Variants in POLD1 observed in about 807,000 individuals in gnomAD.
POLD1 encodes DNA polymerase delta 1, catalytic subunit.
Under a neutral mutation model 129.7 loss-of-function variants are expected in POLD1, and 79 were observed. That is an observed-to-expected ratio of 0.61 (90% confidence interval 0.51 to 0.73). POLD1 has a LOEUF of 0.73. Ranked by LOEUF, POLD1 falls within the 30% of genes least tolerant of loss-of-function variation. POLD1 has a pLI of 0.00. For synonymous variants in POLD1, 714 were observed against 683.3 expected (o/e 1.04, Z -0.70); for missense variants, 1,338 against 1,595.8 (o/e 0.84, Z 2.75).
intron 14 of POLD1, chr19:50,408,573 G>T: frequency 1.5e-6 from 1 of 688,438 alleles, no homozygotes; most frequent in South Asian, 2.1e-5. Flanking sequence ...TGTAGAGATA[G>T]GGTTTTGCCA....
intron 17 of POLD1, among the ~76,000 whole-genome samples, chr19:50,410,371 G>A (rs779883455): frequency 4.6e-5 from 7 of 152,006 alleles, no homozygotes; most frequent in African/African-American, 1.2e-4. Context: ...CTCTAGCCAC[G>A]GGGAGCTCCC....
At chr19:50,413,624 C>G (rs2039168726) in intron 18 of POLD1, 103 bp downstream of exon 18, 16 of 1,523,794 alleles carry the variant, frequency 1.1e-5, no homozygotes, top group Non-Finnish European at 1.4e-5. Flanking sequence ...TCACACCCTG[C>G]CCACTCTCCT....
rs1215064760 is a variant in POLD1 at position 50,408,526 on chromosome 19, G to A, written c.1776-259G>A. On this transcript the variant is annotated intron_variant, in intron 14 of 26. Transcript: ENST00000440232. Reference sequence around the variant, plus strand: ...CCCCTGAGTAGCTGGGACCACAGGCGTGCACCACCACACCTGGCTAATTTT... The same window carrying A: ...CCCCTGAGTAGCTGGGACCACAGGCATGCACCACCACACCTGGCTAATTTT... Among the ~76,000 whole-genome samples the A allele has an allele frequency of 2.0e-5, 3 of 151,768 alleles. No individual in the cohort carries two copies. The East Asian group carries it at 5.8e-4, about 29-fold the overall frequency.
At position 50,398,570 on chromosome 19, in the gene POLD1, CAAA is replaced by C. The variant is rs35689550; in HGVS notation, c.-1-261_-1-259del. 1.0e-3 allele frequency among the ~76,000 whole-genome samples: 64 copies of C among 64,236 alleles called. No homozygotes were observed. The South Asian group carries it at 0.014, about 14-fold the overall frequency. 42.1% of individuals were successfully genotyped at this position (64,236 alleles called of 152,430 possible). ...GGGTGACAAGAGCACAATTCCATCTCAAAAAAAAAAAAAAAAAAAAAAGCAAGA... is the reference window on the plus strand; with the variant it reads ...GGGTGACAAGAGCACAATTCCATCTCAAAAAAAAAAAAAAAAAAAGCAAGA... On this transcript the variant is annotated intron_variant, in intron 1 of 26. Coordinates refer to ENST00000440232, the MANE Select transcript of POLD1 (RefSeq NM_002691.4).
rs2122463946 is a variant in POLD1, at chr19:50,414,837, T to C, written c.2411T>C (p.Ile804Thr). Reference protein sequence around the residue: ...FEKVYFPYLLISKKRYAGLLF... With the variant: ...FEKVYFPYLLTSKKRYAGLLF... ...CAGGTCTACTTCCCATACCTGCTTA[T>C]CAGCAAGAAGCGCTACGCGGGCCTG... The change falls in exon 20 of 27, where the codon ATC becomes ACC. Residue 804 changes from isoleucine (I) to threonine (T), a missense_variant. Ile to Thr is a moderately conservative substitution (Grantham distance 89). Coordinates refer to ENST00000440232, the MANE Select transcript of POLD1 (RefSeq NM_002691.4). 1.3e-6 allele frequency: 2 copies of C among 1,587,064 alleles called. No individual in the cohort carries two copies. Among genetic ancestry groups the C allele is most frequent in the South Asian group, 1.1e-5 (1 of 88,178 alleles).
rs760635621 is a variant in POLD1 at position 50,406,942 on chromosome 19, C to T, written c.1495-41C>T. On this transcript the variant is annotated intron_variant, in intron 12 of 26. Coordinates refer to ENST00000440232, the MANE Select transcript of POLD1 (RefSeq NM_002691.4). This position sits in a 1 kb window ranked among gnomAD's most constrained non-coding sequence, Gnocchi z 5.5. ...TCCTTCTCCTGCTCCACCTCCCACCCCCAACCCCTGGTCCCTGACCCCATC... is the reference window on the plus strand; with the variant it reads ...TCCTTCTCCTGCTCCACCTCCCACCTCCAACCCCTGGTCCCTGACCCCATC... 6.7e-7 allele frequency: 1 copy of T among 1,487,494 alleles called. No individual in the cohort carries two copies. Among genetic ancestry groups the T allele is most frequent in the Non-Finnish European group, 9.1e-7 (1 of 1,097,364 alleles). 92.1% of individuals were successfully genotyped at this position (1,487,494 alleles called of 1,614,324 possible). A position where few individuals can be genotyped will look rare whatever the true frequency, so the allele number is the denominator to read the frequency against.
At chr19:50,395,212 A>G (rs2038308679) in intron 1 of POLD1, 1 of 139,582 alleles carries the variant, frequency 7.2e-6, no homozygotes, top group Non-Finnish European at 1.5e-5. Flanking sequence ...GAAAGAATAA[A>G]TAGTGTAGGC....
At position 50,403,074 on chromosome 19, in the gene POLD1, G is replaced by A. The variant is rs371120096; in HGVS notation, c.992G>A (p.Arg331Gln). The change falls in exon 9 of 27, where the codon CGG (arginine) becomes CAG (glutamine). Residue 331 changes from arginine (R) to glutamine (Q), a missense_variant. Transcript: ENST00000440232. Reference protein sequence around the residue: ...GRKGIFPEPERDPVIQICSLG... With the variant: ...GRKGIFPEPEQDPVIQICSLG... The stretch of plus-strand genomic sequence containing the variant: ...GCAGGCATCTTCCCTGAGCCTGAGC[G>A]GGACCCTGTCATCCAGATCTGCTCG... 1.3e-5 allele frequency: 21 copies of A among 1,562,324 alleles called. No homozygotes were observed. Among genetic ancestry groups the A allele is most frequent in the South Asian group, 8.2e-5 (7 of 84,986 alleles).
chr19:50,417,644 C>T (rs1242886645), intron 26 of POLD1, among the ~76,000 whole-genome samples, 198 bp from the exon 27 acceptor site: 1 of 151,786 alleles, frequency 6.6e-6, no homozygotes, highest in Non-Finnish European at 1.5e-5. Flanking sequence ...TGGCCCTGCA[C>T]CTCGCCAGGC....
intron 1 of POLD1, among the ~76,000 whole-genome samples, chr19:50,386,874 T>C (rs2037988656): frequency 6.6e-6 from 1 of 152,072 alleles, no homozygotes; most frequent in African/African-American, 2.4e-5. Flanking sequence ...CTGGGCAACA[T>C]AGCAAGACCC....
At chr19:50,417,725 G>C (rs1001419254) in intron 26 of POLD1, 117 bp from the exon 27 acceptor site, 1 of 640,554 alleles carries the variant, frequency 1.6e-6, no homozygotes, top group African/African-American at 1.8e-5. Context: ...TGCGGGAGGG[G>C]GCGGGTGGGC....
intron 20 of POLD1, 125 bp downstream of exon 20, chr19:50,415,115 C>CG: frequency 5.5e-6 from 5 of 916,218 alleles, no homozygotes; most frequent in Admixed American, 6.3e-5. Flanking sequence ...CCAGCCCCCT[C>CG]CTCCTCAGAT....
intron 17 of POLD1, among the ~76,000 whole-genome samples, chr19:50,411,453 C>T (rs2445831): frequency 0.033 from 5,024 of 152,184 alleles, 277 homozygotes; most frequent in African/African-American, 0.11. Context: ...CTCTCTCAGC[C>T]GCTTCCCTCT....
chr19:50,395,446 C>A lies in POLD1; in HGVS notation c.-1-3405C>A, dbSNP rs558529416. 2.6e-5 allele frequency among the ~76,000 whole-genome samples: 4 copies of A among 152,088 alleles called. No homozygotes were observed. In the South Asian group the frequency reaches 8.3e-4, roughly 32 times the overall value. On this transcript the variant is annotated intron_variant, in intron 1 of 26. Transcript: ENST00000440232. ...AAAATACAAAAAAATTAGGCGGGCG[C>A]AGTGGCGGACGCCTGTAGTCCCAGC... is the stretch of plus-strand genomic sequence containing the variant.
chr19:50,406,930 C>G lies in POLD1; in HGVS notation c.1495-53C>G. 29 of 1,177,766 alleles carry G rather than the reference C, an allele frequency of 2.5e-5. No homozygotes were observed. Among genetic ancestry groups the G allele is most frequent in the Non-Finnish European group, 3.3e-5 (28 of 835,978 alleles). The allele number at this position is 1,177,766 out of a possible 1,614,324, so 73.0% of individuals were successfully genotyped here. On this transcript the variant is annotated intron_variant, in intron 12 of 26. Transcript: ENST00000440232. This position sits in a 1 kb window ranked among gnomAD's most constrained non-coding sequence, Gnocchi z 5.5. ...CTGACCCCCACTTCCTTCTCCTGCT[C>G]CACCTCCCACCCCCAACCCCTGGTC...
intron 17 of POLD1, among the ~76,000 whole-genome samples, chr19:50,412,312 C>G (rs965777145): frequency 7.2e-5 from 11 of 152,112 alleles, no homozygotes; most frequent in African/African-American, 2.4e-4. Flanking sequence ...GCCACCATGC[C>G]TGGCTAATTT....
At position 50,398,970 on chromosome 19, in the gene POLD1, T is replaced by C; in HGVS notation, c.119T>C (p.Leu40Pro). 1 of 1,578,102 alleles carries C rather than the reference T, an allele frequency of 6.3e-7. No homozygotes were observed. Among genetic ancestry groups the C allele is most frequent in the Non-Finnish European group, 8.6e-7 (1 of 1,162,156 alleles). Reference protein sequence around the residue: ...RPSQFEEDLALMEEMEAEHRL... With the variant: ...RPSQFEEDLAPMEEMEAEHRL... ...TCCCAATTCGAGGAGGACCTGGCAC[T>C]GATGGAGGAGATGGAGGCAGAACAC... The change falls in exon 2 of 27, where the codon CTG becomes CCG. Residue 40 changes from leucine (L) to proline (P), a missense_variant. Physicochemically the swap from Leu to Pro is moderately conservative, Grantham distance 98. This residue lies in a region of POLD1 where 332 missense variants were observed against 315.7 expected (regional missense o/e 1.05). Transcript: ENST00000440232.
rs149385400 is a variant in POLD1 at position 50,401,753 on chromosome 19, G to A, written c.317-25G>A. 839 of 1,609,512 alleles carry A rather than the reference G, an allele frequency of 5.2e-4. 2 individuals are homozygous for A. The highest frequency in any genetic ancestry group is 3.7e-3 in the East Asian group (165 of 44,854). ...TTGGAGGACCCTGAGAGGCATGGCCGCTGTCTTACCCTGTGACCCCACAGG... is the reference window on the plus strand; with the variant it reads ...TTGGAGGACCCTGAGAGGCATGGCCACTGTCTTACCCTGTGACCCCACAGG... On this transcript the variant is annotated intron_variant, in intron 3 of 26. Transcript: ENST00000440232.
chr19:50,386,671 C>T (rs758679097), intron 1 of POLD1, among the ~76,000 whole-genome samples: 4 of 152,312 alleles, frequency 2.6e-5, no homozygotes, highest in East Asian at 3.9e-4. Flanking sequence ...TTTCATGCAG[C>T]GAACACTGCC....
Sources: gnomAD v4.1 joint callset for allele counts (sites outside exome capture counted in the v4.1 genomes callset) on GRCh38, gnomAD v4.1.1 for gene constraint, gnomAD v4.1.1 regional missense constraint, Gnocchi (gnomAD v3.1) non-coding constraint, MANE v1.5 for transcripts, NCBI Gene and HGNC (gene_info 2026-07-23, HGNC 2026-07-21) for gene names.